PTGER4: variants seen among roughly 807,000 people sequenced by gnomAD.
PTGER4 encodes the protein prostaglandin E receptor 4.
A neutral mutation model predicts 33.2 loss-of-function variants in PTGER4; 11 were observed. That is an observed-to-expected ratio of 0.33 (90% CI 0.21 to 0.55). PTGER4 has a LOEUF of 0.55. PTGER4 is among the 20% of genes least tolerant of loss of function. The pLI, the probability that PTGER4 is intolerant of heterozygous loss-of-function variation, is 0.92. For missense variants in PTGER4, 481 were observed against 650.2 expected, an observed-to-expected ratio of 0.74 and a Z score of 2.83; for synonymous variants, 275 against 281.5, an observed-to-expected ratio of 0.98 and a Z score of 0.23.
chr5:40,740,073 T>TA, the PTGER4 span, among the ~76,000 whole-genome samples: 1 of 152,182 alleles, frequency 6.6e-6, no homozygotes, highest in Non-Finnish European at 1.5e-5. Context: ...AATAGCAATA[T>TA]AATTCCATTT....
At chr5:40,693,801 C>A, downstream of PTGER4, 1 of 768,516 alleles carries the variant, frequency 1.3e-6, no homozygotes, top group Non-Finnish European at 1.6e-6. Context: ...AGGTCATCAT[C>A]TATATCCTTT....
At chr5:40,719,444 A>G in the PTGER4 span, among the ~76,000 whole-genome samples, 1 of 152,110 alleles carries the variant, frequency 6.6e-6, no homozygotes, top group African/African-American at 2.4e-5. Flanking sequence ...TTGTTTATCT[A>G]TTTGTCAGTT....
the PTGER4 span, among the ~76,000 whole-genome samples, chr5:40,724,643 A>AAAAC: frequency 1.3e-5 from 2 of 152,122 alleles, no homozygotes; most frequent in African/African-American, 4.8e-5. Flanking sequence ...AAAAAAACAA[A>AAAAC]AAACAAACAA....
At chr5:40,693,844 T>A, downstream of PTGER4, 1 of 559,098 alleles carries the variant, frequency 1.8e-6, no homozygotes, top group Non-Finnish European at 2.3e-6. Context: ...TGTGAAATAA[T>A]TTTAAAGAAA....
At chr5:40,709,682 A>T in the PTGER4 span, among the ~76,000 whole-genome samples, 1 of 152,180 alleles carries the variant, frequency 6.6e-6, no homozygotes, top group Non-Finnish European at 1.5e-5. Flanking sequence ...GGAAAAAACT[A>T]CTTTAAAGTT....
At chr5:40,720,755 A>C in the PTGER4 span, among the ~76,000 whole-genome samples, 3 of 152,168 alleles carry the variant, frequency 2.0e-5, no homozygotes, top group Non-Finnish European at 2.9e-5. Context: ...ACACTCATCA[A>C]AGCCAGAAGG....
chr5:40,718,974 TA>T, the PTGER4 span, among the ~76,000 whole-genome samples: 1 of 152,144 alleles, frequency 6.6e-6, no homozygotes, highest in Non-Finnish European at 1.5e-5. Context: ...AATATTCTAA[TA>T]AAAATCCACC....
intron 2 of PTGER4, among the ~76,000 whole-genome samples, chr5:40,684,134 C>CCA (rs1417390811): frequency 7.9e-6 from 1 of 126,252 alleles, no homozygotes; most frequent in Non-Finnish European, 1.6e-5. Context: ...ACCCCCCCCC[C>CCA]CACAATTCAG....
Position 40,692,251 on chromosome 5 carries a change from A to C in PTGER4, c.1340A>C (p.Asp447Ala). ...ACCTCAGACTCTTCACAGGGTCAGGACTCAGAGAGTGTCTTACTGGTGGAT... is the reference window on the plus strand; with the variant it reads ...ACCTCAGACTCTTCACAGGGTCAGGCCTCAGAGAGTGTCTTACTGGTGGAT... ...SETSDSSQGQDSESVLLVDEA... is the reference protein window; with the variant it reads ...SETSDSSQGQASESVLLVDEA... The change falls in exon 3 of 3, where the codon GAC becomes GCC. Residue 447 changes from aspartate (D) to alanine (A), a missense_variant. Physicochemically the swap from Asp to Ala is moderately radical, Grantham distance 126. Coordinates refer to ENST00000302472, the MANE Select transcript of PTGER4 (RefSeq NM_000958.3). The C allele has an allele frequency of 6.2e-7, 1 of 1,614,196 alleles. No homozygotes were observed. The highest frequency in any genetic ancestry group is 1.6e-4 in the Middle Eastern group (1 of 6,062).
the PTGER4 span, chr5:40,730,337 C>T: frequency 6.2e-7 from 1 of 1,612,294 alleles, no homozygotes; most frequent in African/African-American, 1.3e-5. Context: ...GAATTGCCTC[C>T]CGATATCTGT....
At chr5:40,731,149 C>T in the PTGER4 span, among the ~76,000 whole-genome samples, 1 of 152,062 alleles carries the variant, frequency 6.6e-6, no homozygotes, top group African/African-American at 2.4e-5. Context: ...CATAACAATC[C>T]TTCCACTCAC....
the PTGER4 span, chr5:40,730,306 G>A: frequency 6.2e-7 from 1 of 1,612,390 alleles, no homozygotes; most frequent in Non-Finnish European, 8.5e-7. Context: ...GGAGTTAACT[G>A]TAGTGCTTCA....
chr5:40,696,675 T>C (rs1579653841), downstream of PTGER4: 4 of 985,010 alleles, frequency 4.1e-6, no homozygotes, highest in East Asian at 1.1e-4. Context: ...TTTCCCACCA[T>C]GGAAGAGAAG....
downstream of PTGER4, among the ~76,000 whole-genome samples, chr5:40,695,696 G>T (rs1741572995): frequency 6.6e-6 from 1 of 152,190 alleles, no homozygotes; most frequent in Admixed American, 6.5e-5. Flanking sequence ...GGGCGACAGA[G>T]GGAGACTCCG....
chr5:40,742,604 A>G, the PTGER4 span, among the ~76,000 whole-genome samples: 6 of 152,192 alleles, frequency 3.9e-5, no homozygotes, highest in Non-Finnish European at 7.4e-5. Context: ...TGCATAAACA[A>G]AGCCTTCTGT....
At chr5:40,731,459 A>G in the PTGER4 span, among the ~76,000 whole-genome samples, 1 of 152,162 alleles carries the variant, frequency 6.6e-6, no homozygotes, top group Admixed American at 6.5e-5. Context: ...GGTTTAATTG[A>G]CTCAGTACCA....
downstream of PTGER4, among the ~76,000 whole-genome samples, chr5:40,696,982 A>AG (rs66476258): frequency 6.4e-4 from 80 of 124,902 alleles, 1 homozygote; most frequent in South Asian, 9.6e-3. Context: ...GAGAGAGAGA[A>AG]AGAGAGAAAG....
At position 40,692,115 on chromosome 5, in the gene PTGER4, C is replaced by G; in HGVS notation, c.1204C>G (p.Pro402Ala). ...SQTLLPDLSL[P>A]DLSENGLGGR... The stretch of plus-strand genomic sequence containing the variant: ...GACCCTCCTGCCAGACCTCTCACTG[C>G]CAGACCTCAGTGAAAATGGCCTTGG... Residue 402 changes from proline (P) to alanine (A), a missense_variant, in exon 3 of 3, where the codon CCA (proline) becomes GCA (alanine). Physicochemically the swap from Pro to Ala is conservative, Grantham distance 27. This residue lies in a region of PTGER4 where 172 missense variants were observed against 199.2 expected (regional missense o/e 0.86). Transcript: ENST00000302472. 1 of 1,614,246 alleles carries G rather than the reference C, an allele frequency of 6.2e-7. No individual in the cohort carries two copies. The highest frequency in any genetic ancestry group is 8.5e-7 in the Non-Finnish European group (1 of 1,180,050).
chr5:40,716,547 G>T, the PTGER4 span: 1 of 1,223,454 alleles, frequency 8.2e-7, no homozygotes, highest in Non-Finnish European at 1.2e-6. Context: ...AAATTAGTAT[G>T]TTTAATACAA....
Sources: gnomAD v4.1 joint callset for allele counts (sites outside exome capture counted in the v4.1 genomes callset) on GRCh38, gnomAD v4.1.1 for gene constraint, gnomAD v4.1.1 regional missense constraint, MANE v1.5 for transcripts, NCBI Gene and HGNC (gene_info 2026-07-23, HGNC 2026-07-21) for gene names.